The following USP8 variants were observed in gnomAD, a reference collection of about 807,000 sequenced individuals.
USP8 encodes the protein ubiquitin specific peptidase 8.
USP8 carries 27 observed loss-of-function variants against 130.0 expected under a neutral mutation model. The ratio of observed to expected loss-of-function variants is 0.21; its 90% CI spans 0.15 to 0.29. USP8 has a LOEUF of 0.29. Ranked by LOEUF, USP8 falls within the 10% of genes least tolerant of loss-of-function variation. The pLI is 1.00. For missense variants in USP8, 1,029 were observed against 1,312.2 expected (o/e 0.78, Z 3.33); for synonymous variants, 392 against 444.1 (o/e 0.88, Z 1.48).
At chr15:50,493,956 T>C in intron 15 of USP8, 114 bp from the exon 16 acceptor site, 1 of 1,192,460 alleles carries the variant, frequency 8.4e-7, no homozygotes. Flanking sequence ...ATAAGTAGTT[T>C]AATGTAGTGC....
rs1262812755 is a variant in USP8, at chr15:50,481,562, T to C, written c.1300T>C (p.Ser434Pro). Residue 434 changes from serine (S) to proline (P), a missense_variant, in exon 11 of 20, where the codon TCT becomes CCT. Physicochemically the swap from Ser to Pro is moderately conservative, Grantham distance 74. Around this residue, in one of 4 missense-constraint regions of USP8, gnomAD observed 486 missense variants for 522.0 expected, o/e 0.93. Transcript: ENST00000307179. Reference protein sequence around the residue: ...KSESTNHEQQSPQSGKVIPDR... With the variant: ...KSESTNHEQQPPQSGKVIPDR... Reference sequence around the variant, plus strand: ...TGAAAGTACAAACCATGAGCAACAATCTCCTCAGAGTGGAAAAGTTATTCC... The same window carrying C: ...TGAAAGTACAAACCATGAGCAACAACCTCCTCAGAGTGGAAAAGTTATTCC... 1 of 1,613,136 alleles carries C rather than the reference T, an allele frequency of 6.2e-7. No homozygotes were observed. Among genetic ancestry groups the C allele is most frequent in the East Asian group, 2.2e-5 (1 of 44,842 alleles).
In USP8 at chr15:50,512,639, T is replaced by A. The variant is rs1440967974; in HGVS notation, c.*13551T>A. The A allele has an allele frequency of 1.3e-5, 2 of 151,734 alleles. No homozygotes were observed. Among genetic ancestry groups the A allele is most frequent in the African/African-American group, 4.8e-5 (2 of 41,268 alleles). 9.4% of individuals were successfully genotyped at this position (151,734 alleles called of 1,614,324 possible). On this transcript the variant is annotated 3_prime_UTR_variant, in exon 20 of 20. Coordinates refer to ENST00000307179, the MANE Select transcript of USP8 (RefSeq NM_005154.5). ...ACCACATCTCTACTAAAAATATTTT[T>A]AAAAATTAGCCAGGCATGGTGGTGC...
intron 1 of USP8, among the ~76,000 whole-genome samples, chr15:50,430,962 A>G (rs2049911126): frequency 6.6e-6 from 1 of 152,144 alleles, no homozygotes; most frequent in South Asian, 2.1e-4. Flanking sequence ...CGTCTAGTAG[A>G]GGTTAGGGAT....
At chr15:50,432,293 C>T (rs1253422754) in intron 1 of USP8, 1 of 152,046 alleles carries the variant, frequency 6.6e-6, no homozygotes, top group Non-Finnish European at 1.5e-5. Flanking sequence ...CTTTGTTGCC[C>T]ACTTTGTTGG....
At chr15:50,483,935 C>T (rs995386909) in intron 11 of USP8, among the ~76,000 whole-genome samples, 4 of 152,018 alleles carry the variant, frequency 2.6e-5, no homozygotes, top group Non-Finnish European at 5.9e-5. Flanking sequence ...TCAAGATAAC[C>T]AAAATCGTAA....
chr15:50,424,446 C>T lies in USP8; in HGVS notation c.-134C>T, dbSNP rs1036165346. 2.3e-5 allele frequency: 9 copies of T among 398,586 alleles called. No individual in the cohort carries two copies. Among genetic ancestry groups the T allele is most frequent in the South Asian group, 2.6e-4 (2 of 7,842 alleles). 24.7% of individuals were successfully genotyped at this position (398,586 alleles called of 1,614,324 possible). A position where few individuals can be genotyped will look rare whatever the true frequency, so the allele number is the denominator to read the frequency against. On this transcript the variant is annotated 5_prime_UTR_variant, in exon 1 of 20. Coordinates refer to ENST00000307179, the MANE Select transcript of USP8 (RefSeq NM_005154.5). ...CGTCCTGGTAGCCAAGGCTAATTCT[C>T]CCTCGAGTTCTTGGGAGATGGGCAT...
chr15:50,452,291 G>A (rs932642406), intron 4 of USP8, among the ~76,000 whole-genome samples: 3 of 152,130 alleles, frequency 2.0e-5, no homozygotes, highest in South Asian at 2.1e-4. Context: ...ACCAAATCTG[G>A]AAGTATCAGA....
intron 7 of USP8, among the ~76,000 whole-genome samples, chr15:50,466,553 G>A (rs910589944): frequency 3.3e-5 from 5 of 150,126 alleles, no homozygotes; most frequent in African/African-American, 1.2e-4. Context: ...CGAGATCACG[G>A]CACTGCACTC....
intron 4 of USP8, among the ~76,000 whole-genome samples, chr15:50,451,729 C>T (rs1247310140): frequency 6.6e-6 from 1 of 152,198 alleles, no homozygotes; most frequent in Non-Finnish European, 1.5e-5. Flanking sequence ...AACATATCTT[C>T]ATATCTGTCC....
Position 50,481,555 on chromosome 15 carries a change from G to A in USP8, c.1293G>A (p.Glu431=), listed in dbSNP as rs111728544. ...TAAAATCTGAAAGTACAAACCATGA[G>A]CAACAATCTCCTCAGAGTGGAAAAG... is the stretch of plus-strand genomic sequence containing the variant. ...HRIKSESTNH[E]QQSPQSGKVI... The change falls in exon 11 of 20, where the codon GAG becomes GAA. Residue 431 remains glutamate, a synonymous_variant. Coordinates refer to ENST00000307179, the MANE Select transcript of USP8 (RefSeq NM_005154.5). 2.1e-5 allele frequency: 34 copies of A among 1,612,396 alleles called. No individual in the cohort carries two copies. The highest frequency in any genetic ancestry group is 3.4e-5 in the Admixed American group (2 of 59,610).
intron 3 of USP8, among the ~76,000 whole-genome samples, chr15:50,444,367 A>G (rs2050357481): frequency 6.7e-6 from 1 of 149,276 alleles, no homozygotes; most frequent in Non-Finnish European, 1.5e-5. Flanking sequence ...GGCCTCCCAA[A>G]GTGCTGGGAT....
At chr15:50,462,614 A>G (rs978410860) in intron 6 of USP8, among the ~76,000 whole-genome samples, 3 of 152,208 alleles carry the variant, frequency 2.0e-5, no homozygotes, top group African/African-American at 7.2e-5. Context: ...TTCAACATGC[A>G]GTTTAGCAAT....
In USP8 at chr15:50,506,802, C is replaced by CA. The variant is rs1222295870; in HGVS notation, c.*7720dup. ...GTGAAACCTCATCTCTACAAAAATA[C>CA]AAAAAATTAGCCGGGCATGGTGGCA... On this transcript the variant is annotated 3_prime_UTR_variant, in exon 20 of 20. Coordinates refer to ENST00000307179, the MANE Select transcript of USP8 (RefSeq NM_005154.5). 2.6e-5 allele frequency: 4 copies of CA among 151,132 alleles called. No individual in the cohort carries two copies. The East Asian group carries it at 7.9e-4, about 30-fold the overall frequency. 9.4% of individuals were successfully genotyped at this position (151,132 alleles called of 1,614,324 possible).
Position 50,508,165 on chromosome 15 carries a change from C to CA in USP8, c.*9083dup, listed in dbSNP as rs1454619534. 2.0e-5 allele frequency: 3 copies of CA among 148,518 alleles called. No individual in the cohort carries two copies. Among genetic ancestry groups the CA allele is most frequent in the Admixed American group, 1.3e-4 (2 of 14,832 alleles). The allele number at this position is 148,518 out of a possible 1,614,324, so 9.2% of individuals were successfully genotyped here. On this transcript the variant is annotated 3_prime_UTR_variant, in exon 20 of 20. Coordinates refer to ENST00000307179, the MANE Select transcript of USP8 (RefSeq NM_005154.5). ...CAGTCAATACAAAATGATACCCCCA[C>CA]AAAAAATCAATACTTTTGGAAATTA...
chr15:50,482,755 C>T (rs1379876034), intron 11 of USP8, among the ~76,000 whole-genome samples: 1 of 152,132 alleles, frequency 6.6e-6, no homozygotes, highest in Non-Finnish European at 1.5e-5. Context: ...ATACCAAGAA[C>T]AGTTATGGTC....
At chr15:50,467,650 G>A (rs1035454567) in intron 7 of USP8, among the ~76,000 whole-genome samples, 1 of 151,984 alleles carries the variant, frequency 6.6e-6, no homozygotes, top group Non-Finnish European at 1.5e-5. Context: ...TGACCTCCTG[G>A]GTTTAGATGA....
rs371064052 is a variant in USP8 at position 50,492,786 on chromosome 15, C to G, written c.2320C>G (p.Pro774Ala). The G allele has an allele frequency of 1.9e-5, 30 of 1,613,996 alleles. No homozygotes were observed. The highest frequency in any genetic ancestry group is 2.5e-5 in the Non-Finnish European group (29 of 1,180,034). Reference protein sequence around the residue: ...NLNPVFGGSGPALTGLRNLGN... With the variant: ...NLNPVFGGSGAALTGLRNLGN... Reference sequence around the variant, plus strand: ...CAATCCTGTTTTTGGAGGTTCTGGACCAGCTCTTACTGGACTTCGTAACTT... The same window carrying G: ...CAATCCTGTTTTTGGAGGTTCTGGAGCAGCTCTTACTGGACTTCGTAACTT... The change falls in exon 15 of 20, where the codon CCA (proline) becomes GCA (alanine). Residue 774 changes from proline (P) to alanine (A), a missense_variant. Physicochemically the swap from Pro to Ala is conservative, Grantham distance 27. This residue lies in a region of USP8 where 257 missense variants were observed against 429.8 expected (regional missense o/e 0.60). Transcript: ENST00000307179.
Position 50,499,061 on chromosome 15 carries a change from A to G in USP8, c.3330A>G (p.Gly1110=), listed in dbSNP as rs1412842498. The G allele has an allele frequency of 6.2e-7, 1 of 1,611,284 alleles. No individual in the cohort carries two copies. The highest frequency in any genetic ancestry group is 8.5e-7 in the Non-Finnish European group (1 of 1,178,624). Residue 1110 remains glycine (G), a synonymous_variant, in exon 20 of 20, where the codon GGA becomes GGG. Transcript: ENST00000307179. Reference sequence around the variant, plus strand: ...ATATCCTCTTTTATACTTCATTGGGACCACGAGTAACTGATGTAGCCACAT... The same window carrying G: ...ATATCCTCTTTTATACTTCATTGGGGCCACGAGTAACTGATGTAGCCACAT... ...AAYILFYTSL[G]PRVTDVAT
intron 7 of USP8, among the ~76,000 whole-genome samples, chr15:50,469,766 T>C (rs1438567706): frequency 2.0e-5 from 3 of 152,088 alleles, no homozygotes; most frequent in Non-Finnish European, 2.9e-5. Context: ...TTGCTAAGAA[T>C]AATATGGAGC....
Sources: allele counts gnomAD v4.1 joint callset (sites outside exome capture counted in the v4.1 genomes callset), GRCh38; gene constraint gnomAD v4.1.1; regional missense constraint gnomAD v4.1.1; transcripts MANE v1.5; gene names NCBI Gene and HGNC (gene_info 2026-07-23, HGNC 2026-07-21).